Variants in G3BP2 observed in about 807,000 individuals in gnomAD.
G3BP2 encodes the protein G3BP stress granule assembly factor 2.
Under a neutral mutation model 56.7 loss-of-function variants are expected in G3BP2, and 11 were observed. That is an observed-to-expected ratio of 0.19 (90% CI 0.12 to 0.32). G3BP2 has a LOEUF of 0.32. Ranked by LOEUF, G3BP2 falls within the 10% of genes least tolerant of loss-of-function variation. The pLI is 1.00. For synonymous variants in G3BP2, 165 were observed against 191.6 expected (o/e 0.86, Z 1.15); for missense variants, 340 against 610.9 (o/e 0.56, Z 4.67).
chr4:75,712,776 T>A (rs1048728800), intron 3 of G3BP2, among the ~76,000 whole-genome samples: 1 of 152,078 alleles, frequency 6.6e-6, no homozygotes, highest in Non-Finnish European at 1.5e-5. Flanking sequence ...TTTTACTTAA[T>A]ATACACATAA....
chr4:75,671,210 A>G (rs1221993561), intron 1 of G3BP2, among the ~76,000 whole-genome samples: 1 of 152,228 alleles, frequency 6.6e-6, no homozygotes, highest in African/African-American at 2.4e-5. Flanking sequence ...ATTTAAGTTC[A>G]GACGCAACAC....
intron 3 of G3BP2, among the ~76,000 whole-genome samples, chr4:75,690,236 C>T (rs1235816803): frequency 6.6e-6 from 1 of 152,084 alleles, no homozygotes; most frequent in Non-Finnish European, 1.5e-5. Flanking sequence ...GAGTTCGAAA[C>T]CAGCCTGGCC....
chr4:75,695,061 C>G, intron 3 of G3BP2: 1 of 308,482 alleles, frequency 3.2e-6, no homozygotes, highest in Non-Finnish European at 4.7e-6. Context: ...GATAGGAACT[C>G]AGCACTGATG....
chr4:75,650,477 T>C (rs1731604689), intron 8 of G3BP2, among the ~76,000 whole-genome samples: 1 of 142,480 alleles, frequency 7.0e-6, no homozygotes, highest in South Asian at 2.2e-4. Context: ...TTAATGTAAA[T>C]GATTTCAGCC....
chr4:75,701,283 TG>T (rs1719334078), intron 3 of G3BP2, among the ~76,000 whole-genome samples: 1 of 152,214 alleles, frequency 6.6e-6, no homozygotes, highest in South Asian at 2.1e-4. Flanking sequence ...CATTTATATT[TG>T]TTTTATATTT....
At chr4:75,679,482 T>A (rs144142971) in intron 3 of G3BP2, among the ~76,000 whole-genome samples, 381 of 152,340 alleles carry the variant, frequency 2.5e-3, no homozygotes, top group Middle Eastern at 6.8e-3. Flanking sequence ...GTAAAATATG[T>A]CTCACATCCA....
intron 3 of G3BP2, among the ~76,000 whole-genome samples, chr4:75,694,417 T>C (rs1719011763): frequency 6.6e-6 from 1 of 152,198 alleles, no homozygotes; most frequent in Non-Finnish European, 1.5e-5. Flanking sequence ...CTGGCTAACA[T>C]GGTGAAACCC....
At chr4:75,709,620 A>T (rs1316872628) in intron 3 of G3BP2, among the ~76,000 whole-genome samples, 8 of 152,050 alleles carry the variant, frequency 5.3e-5, no homozygotes, top group Non-Finnish European at 1.2e-4. Context: ...TCAGAAAGAA[A>T]GAAAAAGGAA....
intron 3 of G3BP2, among the ~76,000 whole-genome samples, chr4:75,710,820 C>T (rs991911486): frequency 6.6e-6 from 1 of 152,022 alleles, no homozygotes; most frequent in South Asian, 2.1e-4. Flanking sequence ...GTGCACACCA[C>T]TAGGCCTGGA....
At chr4:75,704,671 C>G (rs964832724) in intron 3 of G3BP2, among the ~76,000 whole-genome samples, 12 of 151,888 alleles carry the variant, frequency 7.9e-5, no homozygotes, top group African/African-American at 2.9e-4. Flanking sequence ...CTTGCTCTGT[C>G]ACCCAGGCTG....
chr4:75,644,990 G>C lies in G3BP2; in HGVS notation c.*440C>G, dbSNP rs1731104476. The C allele has an allele frequency of 5.8e-6, 1 of 171,858 alleles. No homozygotes were observed. The highest frequency in any genetic ancestry group is 1.2e-5 in the Non-Finnish European group (1 of 81,008). The allele number at this position is 171,858 out of a possible 1,614,324, so 10.6% of individuals were successfully genotyped here. A position where few individuals can be genotyped will look rare whatever the true frequency, so the allele number is the denominator to read the frequency against. On this transcript the variant is annotated 3_prime_UTR_variant, in exon 12 of 12. Coordinates refer to ENST00000359707, the MANE Select transcript of G3BP2 (RefSeq NM_203505.3). ...ATGAGTGCATAACAAGTTTCTGTTG[G>C]TTTGTATTTTTGGGGGGAGCCAAGA...
intron 8 of G3BP2, among the ~76,000 whole-genome samples, chr4:75,653,126 G>A (rs1304718962): frequency 1.3e-5 from 2 of 151,492 alleles, no homozygotes; most frequent in Non-Finnish European, 2.9e-5. Flanking sequence ...AGTATCACGG[G>A]CGTATTCTAC....
chr4:75,663,637 G>A (rs931361983), intron 1 of G3BP2, among the ~76,000 whole-genome samples: 8 of 151,828 alleles, frequency 5.3e-5, no homozygotes, highest in Admixed American at 5.2e-4. Context: ...CAAGGCGGGT[G>A]GATCACAAGG....
At chr4:75,682,970 G>A (rs549540521) in intron 3 of G3BP2, among the ~76,000 whole-genome samples, 2 of 148,592 alleles carry the variant, frequency 1.3e-5, no homozygotes, top group East Asian at 2.0e-4. Context: ...GTGACAGAGC[G>A]AGACTCCGTC....
Position 75,657,566 on chromosome 4 carries a change from C to T in G3BP2, c.342G>A (p.Leu114=). 1 of 1,602,450 alleles carries T rather than the reference C, an allele frequency of 6.2e-7. No individual in the cohort carries two copies. Among genetic ancestry groups the T allele is most frequent in the Non-Finnish European group, 8.5e-7 (1 of 1,175,682 alleles). Residue 114 remains leucine, a synonymous_variant, in exon 4 of 12, where the codon CTG becomes CTA. Coordinates refer to ENST00000359707, the MANE Select transcript of G3BP2 (RefSeq NM_203505.3). ...PERKFMQTFV[L]APEGSVPNKF... is the part of the protein sequence containing the mutation. ...GAATTGAGAAACTTACTTCAGGAGC[C>T]AGAACAAAGGTTTGCATAAACTTTC...
intron 3 of G3BP2, among the ~76,000 whole-genome samples, chr4:75,678,996 T>TA (rs1733977775): frequency 6.6e-6 from 1 of 152,232 alleles, no homozygotes; most frequent in Admixed American, 6.5e-5. Flanking sequence ...AGTAACAACT[T>TA]ACATTTGTAT....
At chr4:75,677,335 G>A (rs1733910405), upstream of G3BP2, among the ~76,000 whole-genome samples, 1 of 151,920 alleles carries the variant, frequency 6.6e-6, no homozygotes. Flanking sequence ...CACTTTGGGA[G>A]GCCCAGGTGG....
chr4:75,696,001 AG>A (rs750599458), intron 3 of G3BP2, among the ~76,000 whole-genome samples: 2 of 4,798 alleles, frequency 4.2e-4, no homozygotes, highest in African/African-American at 8.1e-4. Context: ...AAAAAAAAAA[AG>A]AGTTAACAGA....
In G3BP2 at chr4:75,684,201, T is replaced by G. The variant is rs530015153; in HGVS notation, c.-24-22152A>C. Among the ~76,000 whole-genome samples the G allele has an allele frequency of 3.3e-5, 5 of 152,022 alleles. No homozygotes were observed. The South Asian group carries it at 8.3e-4, about 25-fold the overall frequency. On this transcript the variant is annotated intron_variant, in intron 3 of 3. Transcript: ENST00000499709. ...TGGGCGGATCATGAGGTCAAGCGTT[T>G]GAGACCAGCCTGGCCAATATGGTGA...
Sources: gnomAD v4.1 joint callset for allele counts (sites outside exome capture counted in the v4.1 genomes callset) on GRCh38, gnomAD v4.1.1 for gene constraint, MANE v1.5 for transcripts, NCBI Gene and HGNC (gene_info 2026-07-23, HGNC 2026-07-21) for gene names.